TENM2: variants seen among roughly 807,000 people sequenced by gnomAD.
TENM2 encodes the protein teneurin transmembrane protein 2, also known as teneurin-2.
Under a neutral mutation model 245.2 loss-of-function variants are expected in TENM2, and 52 were observed. The ratio of observed to expected loss-of-function variants is 0.21; its 90% CI spans 0.17 to 0.27. The LOEUF (loss-of-function observed/expected upper bound fraction) is 0.27. TENM2 is among the 10% of genes least tolerant of loss of function. TENM2 has a pLI of 1.00. For missense variants in TENM2, 3,046 were observed against 3,666.8 expected, an observed-to-expected ratio of 0.83 and a Z score of 4.37; for synonymous variants, 1,363 against 1,438.9, an observed-to-expected ratio of 0.95 and a Z score of 1.19.
chr5:168,058,321 C>T (rs763436749), intron 6 of TENM2, among the ~76,000 whole-genome samples: 1 of 152,194 alleles, frequency 6.6e-6, no homozygotes. Context: ...AGATCACTTA[C>T]ATTTGCCAGG....
At chr5:168,191,132 TC>T (rs1760918306) in intron 14 of TENM2, among the ~76,000 whole-genome samples, 1 of 152,222 alleles carries the variant, frequency 6.6e-6, no homozygotes, top group Non-Finnish European at 1.5e-5. Flanking sequence ...CCACTGCATT[TC>T]ACCCCTCATT....
At chr5:167,657,776 G>C (rs1224665008) in intron 2 of TENM2, among the ~76,000 whole-genome samples, 1 of 152,180 alleles carries the variant, frequency 6.6e-6, no homozygotes, top group Non-Finnish European at 1.5e-5. Flanking sequence ...ATCTTAAATA[G>C]AGGTTGCTGT....
intron 2 of TENM2, 96 bp from the exon 5 acceptor site, chr5:167,875,890 T>C (rs1238306529): frequency 2.3e-5 from 16 of 708,184 alleles, no homozygotes; most frequent in Non-Finnish European, 3.4e-5. Flanking sequence ...TTTTTTTTTT[T>C]AATATTTATA....
chr5:167,585,494 T>G (rs573978090), intron 2 of TENM2, among the ~76,000 whole-genome samples: 16 of 152,188 alleles, frequency 1.1e-4, no homozygotes, highest in Non-Finnish European at 2.2e-4. Context: ...TGATGCAGAA[T>G]AAATATATAT....
the TENM2 span, chr5:167,116,194 A>C: frequency 6.6e-6 from 1 of 152,188 alleles, no homozygotes; most frequent in South Asian, 2.1e-4. Context: ...AGGCGTAGCA[A>C]GGAAAGCTTT....
chr5:167,305,807 C>T (rs1050320797), intron 1 of TENM2, among the ~76,000 whole-genome samples: 4 of 152,136 alleles, frequency 2.6e-5, no homozygotes, highest in East Asian at 1.9e-4. Context: ...GCATTGAGTA[C>T]GTCATTGGGT....
intron 6 of TENM2, among the ~76,000 whole-genome samples, chr5:168,061,534 C>A (rs138152393): frequency 1.3e-5 from 2 of 152,254 alleles, no homozygotes; most frequent in African/African-American, 2.4e-5. Context: ...TGTTTCTCTG[C>A]GGCTCTTAGA....
At chr5:167,206,113 G>T in the TENM2 span, among the ~76,000 whole-genome samples, 1 of 152,160 alleles carries the variant, frequency 6.6e-6, no homozygotes, top group Non-Finnish European at 1.5e-5. Context: ...GGGGCCAAAG[G>T]TCGCAGAAAA....
chr5:167,695,523 A>T (rs756574376), intron 2 of TENM2, among the ~76,000 whole-genome samples: 1 of 152,160 alleles, frequency 6.6e-6, no homozygotes, highest in Non-Finnish European at 1.5e-5. Context: ...TCTCAGTGGG[A>T]TGCTAGACTT....
At chr5:167,568,000 A>T (rs957201298) in intron 2 of TENM2, among the ~76,000 whole-genome samples, 2 of 151,948 alleles carry the variant, frequency 1.3e-5, no homozygotes, top group African/African-American at 4.8e-5. Flanking sequence ...TACTTCGCTC[A>T]TGTAACCTTC....
At chr5:167,962,449 C>T (rs1781084789) in intron 4 of TENM2, among the ~76,000 whole-genome samples, 1 of 152,176 alleles carries the variant, frequency 6.6e-6, no homozygotes, top group Non-Finnish European at 1.5e-5. Context: ...GAACTGAGCA[C>T]ATAGAATATG....
the TENM2 span, among the ~76,000 whole-genome samples, chr5:167,201,087 G>A: frequency 3.9e-5 from 6 of 152,048 alleles, no homozygotes; most frequent in Admixed American, 1.3e-4. Context: ...AAAGTCTTTC[G>A]AATATTTTTT....
At chr5:167,778,079 A>G (rs1019038125) in intron 2 of TENM2, among the ~76,000 whole-genome samples, 5 of 152,240 alleles carry the variant, frequency 3.3e-5, no homozygotes, top group African/African-American at 1.2e-4. Flanking sequence ...AATATTTGCT[A>G]TCTAGCCTTT....
chr5:167,971,726 CA>C (rs1781807338), intron 4 of TENM2, among the ~76,000 whole-genome samples: 2 of 151,700 alleles, frequency 1.3e-5, no homozygotes, highest in African/African-American at 4.8e-5. Context: ...CAAAACAAAA[CA>C]AAACAAAACA....
the TENM2 span, among the ~76,000 whole-genome samples, chr5:167,108,044 A>G: frequency 6.6e-6 from 1 of 152,164 alleles, no homozygotes; most frequent in African/African-American, 2.4e-5. Context: ...TCTGGATATT[A>G]TTTAAGATCC....
chr5:167,928,191 T>C (rs891876129), intron 3 of TENM2, among the ~76,000 whole-genome samples: 2 of 152,200 alleles, frequency 1.3e-5, no homozygotes, highest in African/African-American at 4.8e-5. Context: ...TTCTTGTCTC[T>C]CCTATTGGCA....
At chr5:167,531,181 G>A (rs1771475301) in intron 2 of TENM2, among the ~76,000 whole-genome samples, 1 of 152,162 alleles carries the variant, frequency 6.6e-6, no homozygotes, top group South Asian at 2.1e-4. Context: ...ATACCTCTCA[G>A]ATTCTGCGGA....
At chr5:168,227,661 C>T (rs1312759067) in intron 24 of TENM2, among the ~76,000 whole-genome samples, 2 of 151,998 alleles carry the variant, frequency 1.3e-5, no homozygotes, top group African/African-American at 2.4e-5. Context: ...AGAAACATCA[C>T]GGCATAATTA....
At chr5:167,410,230 A>G (rs1388750988) in intron 2 of TENM2, among the ~76,000 whole-genome samples, 2 of 152,126 alleles carry the variant, frequency 1.3e-5, no homozygotes, top group African/African-American at 2.4e-5. Flanking sequence ...GATTAGAAAA[A>G]TAGCAATCAA....
Sources: allele counts gnomAD v4.1 joint callset (sites outside exome capture counted in the v4.1 genomes callset), GRCh38; gene constraint gnomAD v4.1.1; transcripts MANE v1.5; gene names NCBI Gene and HGNC (gene_info 2026-07-23, HGNC 2026-07-21).